Variants in LINGO2 observed in about 807,000 individuals in gnomAD.
The protein encoded by LINGO2 is leucine-rich repeat and immunoglobulin-like domain-containing nogo receptor-interacting protein 2.
A neutral mutation model predicts 30.6 loss-of-function variants in LINGO2; 14 were observed. The ratio of observed to expected loss-of-function variants is 0.46; its 90% CI spans 0.30 to 0.72. LINGO2 has a LOEUF of 0.72. Among genes scored for constraint, LINGO2 ranks in the 30% least tolerant of loss-of-function variants. LINGO2 has a pLI of 0.07. For missense variants in LINGO2, 729 were observed against 751.7 expected (o/e 0.97, Z 0.35); for synonymous variants, 317 against 288.5 (o/e 1.10, Z -1.00).
the LINGO2 span, among the ~76,000 whole-genome samples, chr9:29,085,311 A>AAAAAAT: frequency 7.7e-6 from 1 of 130,216 alleles, no homozygotes; most frequent in Non-Finnish European, 1.6e-5. Context: ...AAAAAAAAAA[A>AAAAAAT]GAATAAATTA....
intron 1 of LINGO2, among the ~76,000 whole-genome samples, chr9:28,641,050 T>C (rs554137727): frequency 6.6e-6 from 1 of 152,236 alleles, no homozygotes; most frequent in South Asian, 2.1e-4. Context: ...CAAATTTTTG[T>C]TGAGACGGAG....
chr9:28,503,708 G>C (rs990123863), intron 1 of LINGO2, among the ~76,000 whole-genome samples: 1 of 151,908 alleles, frequency 6.6e-6, no homozygotes, highest in Non-Finnish European at 1.5e-5. Context: ...TGTACTGGAA[G>C]GGATAAAATA....
intron 4 of LINGO2, among the ~76,000 whole-genome samples, chr9:28,117,285 C>T (rs1244670786): frequency 9.3e-5 from 14 of 149,964 alleles, no homozygotes; most frequent in Admixed American, 2.0e-4. Context: ...TCTCCGGCTG[C>T]GTGCTGGGAG....
chr9:28,022,050 T>C (rs1823153195), intron 4 of LINGO2, among the ~76,000 whole-genome samples: 1 of 152,108 alleles, frequency 6.6e-6, no homozygotes, highest in African/African-American at 2.4e-5. Flanking sequence ...GGTTCTTTTC[T>C]GCCCTCTCTA....
chr9:28,433,661 C>G (rs928364779), intron 2 of LINGO2, among the ~76,000 whole-genome samples: 1 of 151,986 alleles, frequency 6.6e-6, no homozygotes, highest in Non-Finnish European at 1.5e-5. Context: ...AAAGGGAACA[C>G]TTTTACACTG....
chr9:29,174,704 T>C, the LINGO2 span, among the ~76,000 whole-genome samples: 1 of 152,192 alleles, frequency 6.6e-6, no homozygotes, highest in African/African-American at 2.4e-5. Flanking sequence ...ATGAAAATAA[T>C]TATGTGGAAA....
chr9:28,057,817 C>T (rs1825006808), intron 4 of LINGO2, among the ~76,000 whole-genome samples: 2 of 152,032 alleles, frequency 1.3e-5, no homozygotes, highest in South Asian at 2.1e-4. Context: ...CTTCCGGCTA[C>T]CCTTCACCTA....
chr9:29,101,825 G>C, the LINGO2 span, among the ~76,000 whole-genome samples: 1 of 152,098 alleles, frequency 6.6e-6, no homozygotes, highest in Non-Finnish European at 1.5e-5. Context: ...TGGACACCTA[G>C]GTTGCTTCCA....
chr9:28,412,225 TA>T (rs34954358), intron 2 of LINGO2, among the ~76,000 whole-genome samples: 44,781 of 150,184 alleles, frequency 0.3, 7,019 homozygotes, highest in Non-Finnish European at 0.32. Context: ...TTTGTTTCTT[TA>T]AAAAGCAGTT....
the LINGO2 span, among the ~76,000 whole-genome samples, chr9:28,977,171 A>G: frequency 5.9e-5 from 9 of 152,180 alleles, no homozygotes; most frequent in Admixed American, 5.9e-4. Context: ...AAACATAAAC[A>G]GAATTCTAGG....
intron 4 of LINGO2, among the ~76,000 whole-genome samples, chr9:28,088,470 T>C (rs572131447): frequency 2.0e-5 from 3 of 152,170 alleles, no homozygotes; most frequent in Admixed American, 6.6e-5. Context: ...CTGCATTCCA[T>C]CTGATTCTGG....
intron 2 of LINGO2, among the ~76,000 whole-genome samples, chr9:28,375,768 A>T (rs1821106548): frequency 6.6e-6 from 1 of 152,166 alleles, no homozygotes; most frequent in Non-Finnish European, 1.5e-5. Flanking sequence ...TTAAACGGGA[A>T]ATTTGCATTT....
chr9:29,031,030 C>T, the LINGO2 span, among the ~76,000 whole-genome samples: 1 of 152,030 alleles, frequency 6.6e-6, no homozygotes, highest in Admixed American at 6.6e-5. Context: ...AAAGACTATC[C>T]TTATACATTT....
rs1334730050 is a variant in LINGO2, at chr9:28,470,982, TC to T, written c.-279+4957del. Among the ~76,000 whole-genome samples the T allele has an allele frequency of 6.0e-5, 9 of 149,024 alleles. No individual in the cohort carries two copies. The East Asian group carries it at 1.8e-3, about 29-fold the overall frequency. On this transcript the variant is annotated intron_variant, in intron 2 of 5. Transcript: ENST00000379992. ...TCTTTATATATGTTATATATAATTT[TC>T]TTTATATAATAGGAAATTATAGGTT...
At chr9:28,279,105 G>A (rs1823231403) in intron 4 of LINGO2, among the ~76,000 whole-genome samples, 1 of 152,176 alleles carries the variant, frequency 6.6e-6, no homozygotes, top group Non-Finnish European at 1.5e-5. Flanking sequence ...TCCTGAAGAT[G>A]TGACTAAATT....
chr9:28,029,714 G>A (rs1313310996), intron 4 of LINGO2, among the ~76,000 whole-genome samples: 10 of 152,146 alleles, frequency 6.6e-5, no homozygotes, highest in Admixed American at 4.6e-4. Context: ...AAAATTGTTA[G>A]CTCTTTTAGA....
intron 4 of LINGO2, chr9:28,149,121 A>T: frequency 6.6e-7 from 1 of 1,513,934 alleles, no homozygotes; most frequent in South Asian, 1.2e-5. Flanking sequence ...CAGCAGGGCA[A>T]CATGTGTAAG....
intron 4 of LINGO2, among the ~76,000 whole-genome samples, chr9:28,038,615 C>T (rs1430509090): frequency 4.0e-5 from 6 of 151,366 alleles, no homozygotes; most frequent in Admixed American, 6.6e-5. Flanking sequence ...ATGGCGTGAA[C>T]CCGGGAGGCG....
At chr9:28,669,303 C>A (rs1828925931) in intron 1 of LINGO2, among the ~76,000 whole-genome samples, 1 of 151,926 alleles carries the variant, frequency 6.6e-6, no homozygotes, top group Admixed American at 6.6e-5. Flanking sequence ...TTTTAGAAAA[C>A]TTCTTTTTTT....
Sources: gnomAD v4.1 joint callset for allele counts (sites outside exome capture counted in the v4.1 genomes callset) on GRCh38, gnomAD v4.1.1 for gene constraint, MANE v1.5 for transcripts, NCBI Gene and HGNC (gene_info 2026-07-23, HGNC 2026-07-21) for gene names.